Variants in SIDT2 observed in about 807,000 individuals in gnomAD.
SIDT2 encodes SID1 transmembrane family member 2, also known as SID1 transmembrane family, member 2.
A neutral mutation model predicts 114.4 loss-of-function variants in SIDT2; 68 were observed. The observed-to-expected ratio is 0.59, with a 90% CI of 0.49 to 0.73. The LOEUF is 0.73. Among genes scored for constraint, SIDT2 ranks in the 30% least tolerant of loss-of-function variants. The pLI, the probability that SIDT2 is intolerant of heterozygous loss-of-function variation, is 0.00. For synonymous variants in SIDT2, 470 were observed against 438.4 expected (o/e 1.07, Z -0.90); for missense variants, 918 against 1,097.1 (o/e 0.84, Z 2.31).
rs1318284217 is a variant in SIDT2, at chr11:117,192,771, C to T, written c.2059-49C>T. On this transcript the variant is annotated intron_variant, in intron 21 of 25. Transcript: ENST00000324225. This position sits in a 1 kb window ranked among gnomAD's most constrained non-coding sequence, Gnocchi z 5.9. ...ACCAGCTGGCTGGGCCTTCTTCCAC[C>T]ACCCTCCCTGCCCCTGCCCTCAGTC... 1 of 1,613,340 alleles carries T rather than the reference C, an allele frequency of 6.2e-7. No homozygotes were observed. The highest frequency in any genetic ancestry group is 1.3e-5 in the African/African-American group (1 of 74,894).
Position 117,192,885 on chromosome 11 carries a change from A to T in SIDT2, c.2105+19A>T, listed in dbSNP as rs376760302. On this transcript the variant is annotated intron_variant, in intron 22 of 25. Transcript: ENST00000324225. The surrounding 1 kb of genome is among the most constrained non-coding windows in gnomAD (Gnocchi z 5.9). The stretch of plus-strand genomic sequence containing the variant: ...GGTCGCTGTGAGTATGGTCAGCAGT[A>T]GTGGCCTGGTTGGGTGGACAGCTGG... 2 of 1,614,070 alleles carry T rather than the reference A, an allele frequency of 1.2e-6. No homozygotes were observed. The highest frequency in any genetic ancestry group is 1.7e-6 in the Non-Finnish European group (2 of 1,180,004).
At chr11:117,187,925 G>A in intron 12 of SIDT2, 1 of 684,418 alleles carries the variant, frequency 1.5e-6, no homozygotes, top group East Asian at 2.8e-5. Flanking sequence ...CTCCCCTCTG[G>A]CCAGATGCGG....
At position 117,184,075 on chromosome 11, in the gene SIDT2, T is replaced by G. The variant is rs757464063; in HGVS notation, c.804T>G (p.Asp268Glu). ...ACCACTTTGACATTTTACTTCCAGA[T>G]GAACCGGTCGATCAAGGGCACCGCC... ...GSLPFYPFAE[D>E]EPVDQGHRQK... Residue 268 changes from aspartate to glutamate, a missense_variant and splice_region_variant, in exon 8 of 26, where the codon GAT (aspartate) becomes GAG (glutamate). By Grantham distance (45) the Asp-to-Glu change is conservative. Around this residue, in one of 4 missense-constraint regions of SIDT2, gnomAD observed 553 missense variants for 600.1 expected, o/e 0.92. Transcript: ENST00000324225. 4.3e-5 allele frequency: 70 copies of G among 1,614,066 alleles called. No individual in the cohort carries two copies. The highest frequency in any genetic ancestry group is 5.6e-5 in the Non-Finnish European group (66 of 1,180,046).
intron 4 of SIDT2, 152 bp downstream of exon 4, chr11:117,182,257 G>C: frequency 8.9e-6 from 8 of 901,082 alleles, no homozygotes; most frequent in African/African-American, 1.7e-5. Context: ...CTGACATGGT[G>C]AGGGACAGAC....
chr11:117,195,631 C>T (rs923029215), intron 24 of SIDT2, among the ~76,000 whole-genome samples, 171 bp from the exon 25 acceptor site: 2 of 152,124 alleles, frequency 1.3e-5, no homozygotes, highest in Non-Finnish European at 2.9e-5. Context: ...TAACCAAAGG[C>T]CATTTGTTAG....
chr11:117,192,940 G>A lies in SIDT2; in HGVS notation c.2105+74G>A. 6.3e-7 allele frequency: 1 copy of A among 1,584,426 alleles called. No individual in the cohort carries two copies. Among genetic ancestry groups the A allele is most frequent in the South Asian group, 1.1e-5 (1 of 90,496 alleles). ...TCGGTCAGCCACTGGCTGCCTTGGGGGCTAAGGACAACTTCCAAATGTTGG... is the reference window on the plus strand; with the variant it reads ...TCGGTCAGCCACTGGCTGCCTTGGGAGCTAAGGACAACTTCCAAATGTTGG... On this transcript the variant is annotated intron_variant, in intron 22 of 25. Transcript: ENST00000324225. The surrounding 1 kb of genome is among the most constrained non-coding windows in gnomAD (Gnocchi z 5.9).
In SIDT2 at chr11:117,192,867, G is replaced by T. The variant is rs1359524426; in HGVS notation, c.2105+1G>T. The T allele has an allele frequency of 1.2e-6, 2 of 1,614,004 alleles. No individual in the cohort carries two copies. The highest frequency in any genetic ancestry group is 1.7e-5 in the Admixed American group (1 of 60,010). ...TGGGCAACGTCATCAACTGGTCGCT[G>T]TGAGTATGGTCAGCAGTAGTGGCCT... On this transcript the variant is annotated splice_donor_variant, in intron 22 of 25. Coordinates refer to ENST00000324225, the MANE Select transcript of SIDT2 (RefSeq NM_001040455.2). LOFTEE classifies it high-confidence loss of function. The surrounding 1 kb of genome is among the most constrained non-coding windows in gnomAD (Gnocchi z 5.9).
chr11:117,183,806 T>C lies in SIDT2; in HGVS notation c.730T>C (p.Tyr244His), dbSNP rs1281375549. Residue 244 changes from tyrosine (Y) to histidine (H), a missense_variant, in exon 7 of 26, where the codon TAT (tyrosine) becomes CAT (histidine). Tyr to His is a moderately conservative substitution (Grantham distance 83). Transcript: ENST00000324225. ...CAAAGACTTCCCCAGCAACAGCTTTTATGTGGTGGTGGTGGTGAAGACCGA... is the reference window on the plus strand; with the variant it reads ...CAAAGACTTCCCCAGCAACAGCTTTCATGTGGTGGTGGTGGTGAAGACCGA... ...QRKDFPSNSF[Y>H]VVVVVKTEDQ... 1 of 1,613,968 alleles carries C rather than the reference T, an allele frequency of 6.2e-7. No homozygotes were observed. The highest frequency in any genetic ancestry group is 2.2e-5 in the East Asian group (1 of 44,898).
At chr11:117,183,387 C>CA (rs2030372597) in intron 6 of SIDT2, among the ~76,000 whole-genome samples, 1 of 151,294 alleles carries the variant, frequency 6.6e-6, no homozygotes, top group Admixed American at 6.6e-5. Context: ...GCCTGTAATC[C>CA]CACACTTCGG....
intron 7 of SIDT2, 75 bp downstream of exon 7, chr11:117,183,953 T>A: frequency 6.7e-7 from 1 of 1,501,750 alleles, no homozygotes; most frequent in Non-Finnish European, 9.3e-7. Flanking sequence ...AGAGCCTGCG[T>A]GGCTGATTGG....
intron 6 of SIDT2, among the ~76,000 whole-genome samples, chr11:117,183,506 T>TG (rs2134249778): frequency 6.6e-6 from 1 of 151,652 alleles, no homozygotes; most frequent in African/African-American, 2.4e-5. Context: ...GGCGTGGTGA[T>TG]GGACGCCTGT....
In SIDT2 at chr11:117,188,234, G is replaced by T. The variant is rs1162273906; in HGVS notation, c.1160-474G>T. 1 of 347,460 alleles carries T rather than the reference G, an allele frequency of 2.9e-6. No homozygotes were observed. Among genetic ancestry groups the T allele is most frequent in the African/African-American group, 2.1e-5 (1 of 46,742 alleles). The allele number at this position is 347,460 out of a possible 1,614,324, so 21.5% of individuals were successfully genotyped here. On this transcript the variant is annotated intron_variant, in intron 12 of 25. Transcript: ENST00000324225. The surrounding 1 kb of genome is among the most constrained non-coding windows in gnomAD (Gnocchi z 4.0). ...CTTGGGGAGGGCTCACAGGCATGGG[G>T]GTCACATTCTGGCCTCTGGATAAAG...
At chr11:117,187,128 G>A (rs2030526162) in intron 10 of SIDT2, 1 of 1,284,948 alleles carries the variant, frequency 7.8e-7, no homozygotes, top group Middle Eastern at 2.3e-4. Context: ...ACTTAGATGT[G>A]CCTGTTCTTG....
At position 117,196,137 on chromosome 11, in the gene SIDT2, C is replaced by A; in HGVS notation, c.*71C>A. On this transcript the variant is annotated 3_prime_UTR_variant, in exon 26 of 26. Coordinates refer to ENST00000324225, the MANE Select transcript of SIDT2 (RefSeq NM_001040455.2). This position sits in a 1 kb window ranked among gnomAD's most constrained non-coding sequence, Gnocchi z 4.9. Reference sequence around the variant, plus strand: ...TTGTGTCATAGACCGGTCACTCTGTCGTGCTGTGGGGATGAGTCCCAGCAC... The same window carrying A: ...TTGTGTCATAGACCGGTCACTCTGTAGTGCTGTGGGGATGAGTCCCAGCAC... The A allele has an allele frequency of 1.3e-6, 2 of 1,599,822 alleles. No individual in the cohort carries two copies. The highest frequency in any genetic ancestry group is 2.2e-5 in the South Asian group (2 of 90,450).
At chr11:117,184,961 A>C (rs1024296505) in intron 8 of SIDT2, among the ~76,000 whole-genome samples, 1 of 151,826 alleles carries the variant, frequency 6.6e-6, no homozygotes, top group African/African-American at 2.4e-5. Context: ...TCTTGACCTC[A>C]GGTGATCCGC....
chr11:117,195,962 G>A (rs1565290496), intron 25 of SIDT2, 42 bp from the exon 26 acceptor site: 1 of 1,614,244 alleles, frequency 6.2e-7, no homozygotes, highest in Admixed American at 1.7e-5. Context: ...GAAGGTAGCA[G>A]CTGCCTCCTT....
At position 117,192,838 on chromosome 11, in the gene SIDT2, G is replaced by T; in HGVS notation, c.2077G>T (p.Val693Phe). ...CCTCCAGGACCGCATGGTGCTGCTG[G>T]TCATGGGCAACGTCATCAACTGGTC... ...PLYVDRMVLL[V>F]MGNVINWSLA... The change falls in exon 22 of 26, where the codon GTC (valine) becomes TTC (phenylalanine). Residue 693 changes from valine (V) to phenylalanine (F), a missense_variant. Around this residue, in one of 4 missense-constraint regions of SIDT2, gnomAD observed 275 missense variants for 397.6 expected, o/e 0.69. Coordinates refer to ENST00000324225, the MANE Select transcript of SIDT2 (RefSeq NM_001040455.2). This position sits in a 1 kb window ranked among gnomAD's most constrained non-coding sequence, Gnocchi z 5.9. 6.2e-7 allele frequency: 1 copy of T among 1,614,166 alleles called. No individual in the cohort carries two copies. The highest frequency in any genetic ancestry group is 8.5e-7 in the Non-Finnish European group (1 of 1,180,036).
In SIDT2 at chr11:117,188,857, G is replaced by A. The variant is rs371248355; in HGVS notation, c.1278+31G>A. 25 of 1,578,502 alleles carry A rather than the reference G, an allele frequency of 1.6e-5. No individual in the cohort carries two copies. In the African/African-American group the frequency reaches 2.6e-4, roughly 16 times the overall value. On this transcript the variant is annotated intron_variant, in intron 13 of 25. Transcript: ENST00000324225. This position sits in a 1 kb window ranked among gnomAD's most constrained non-coding sequence, Gnocchi z 4.0. Reference sequence around the variant, plus strand: ...ACCCGTGGGCCTGGCCTGGTCAGGCGTTTCCTGAGAAAGGGACATTCTGCG... The same window carrying A: ...ACCCGTGGGCCTGGCCTGGTCAGGCATTTCCTGAGAAAGGGACATTCTGCG...
Position 117,196,851 on chromosome 11 carries a change from C to A in SIDT2, c.*785C>A. Reference sequence around the variant, plus strand: ...GACTGGAGGGAGAAGCGCCTCACCCCTTCCCTTCCTTCTTTCCAGGCCCTT... The same window carrying A: ...GACTGGAGGGAGAAGCGCCTCACCCATTCCCTTCCTTCTTTCCAGGCCCTT... On this transcript the variant is annotated 3_prime_UTR_variant, in exon 26 of 26. Transcript: ENST00000324225. This position sits in a 1 kb window ranked among gnomAD's most constrained non-coding sequence, Gnocchi z 4.9. The A allele has an allele frequency of 6.5e-6, 1 of 152,894 alleles. No individual in the cohort carries two copies. The allele number at this position is 152,894 out of a possible 1,614,324, so 9.5% of individuals were successfully genotyped here.
Sources: gnomAD v4.1 joint callset for allele counts (sites outside exome capture counted in the v4.1 genomes callset) on GRCh38, gnomAD v4.1.1 for gene constraint, gnomAD v4.1.1 regional missense constraint, Gnocchi (gnomAD v3.1) non-coding constraint, MANE v1.5 for transcripts, NCBI Gene and HGNC (gene_info 2026-07-23, HGNC 2026-07-21) for gene names.